KLHL1: variants seen among roughly 807,000 people sequenced by gnomAD.
KLHL1 encodes the protein kelch like family member 1, also known as kelch-like protein 1.
KLHL1 carries 47 observed loss-of-function variants against 77.7 expected under a neutral mutation model. The observed-to-expected ratio is 0.60, with a 90% CI of 0.48 to 0.77. The LOEUF is 0.77. Among genes scored for constraint, KLHL1 ranks in the 30% least tolerant of loss-of-function variants. KLHL1 has a pLI of 0.00. For missense variants in KLHL1, 925 were observed against 910.8 expected (o/e 1.02, Z -0.20); for synonymous variants, 360 against 325.2 (o/e 1.11, Z -1.15).
At chr13:70,084,977 T>C (rs9572355) in intron 1 of KLHL1, among the ~76,000 whole-genome samples, 40,118 of 152,046 alleles carry the variant, frequency 0.26, 5,535 homozygotes, top group Admixed American at 0.31. Context: ...ATTCAGTTAA[T>C]GGATGAATTG....
intron 9 of KLHL1, among the ~76,000 whole-genome samples, chr13:69,718,052 G>A (rs142369811): frequency 2.7e-4 from 41 of 152,162 alleles, no homozygotes; most frequent in African/African-American, 9.6e-4. Context: ...GGACTTATCA[G>A]TAAAAATAAT....
intron 4 of KLHL1, among the ~76,000 whole-genome samples, chr13:69,883,500 C>A (rs890379751): frequency 6.6e-6 from 1 of 152,190 alleles, no homozygotes; most frequent in African/African-American, 2.4e-5. Context: ...TTCACTATCC[C>A]CTTGCGGTGT....
At chr13:69,999,670 C>G (rs1328848515) in intron 1 of KLHL1, among the ~76,000 whole-genome samples, 1 of 151,974 alleles carries the variant, frequency 6.6e-6, no homozygotes, top group Admixed American at 6.6e-5. Context: ...TGGCACCTAG[C>G]AATCCTATAT....
At chr13:70,090,054 A>G (rs1436446586) in intron 1 of KLHL1, among the ~76,000 whole-genome samples, 1 of 152,110 alleles carries the variant, frequency 6.6e-6, no homozygotes, top group Non-Finnish European at 1.5e-5. Flanking sequence ...ATTAATCGTC[A>G]TAGAATCCTA....
chr13:69,931,640 G>A (rs1883007403), intron 4 of KLHL1, among the ~76,000 whole-genome samples: 1 of 151,538 alleles, frequency 6.6e-6, no homozygotes, highest in African/African-American at 2.4e-5. Context: ...CTCTTTGTTG[G>A]CTCACTAGGT....
intron 1 of KLHL1, among the ~76,000 whole-genome samples, chr13:70,094,668 T>C (rs1461731288): frequency 1.3e-5 from 2 of 152,108 alleles, no homozygotes; most frequent in African/African-American, 4.8e-5. Context: ...TTGATTTACT[T>C]AGGAGAAGAT....
intron 1 of KLHL1, among the ~76,000 whole-genome samples, chr13:70,027,396 C>T (rs199951431): frequency 2.2e-5 from 3 of 138,690 alleles, no homozygotes; most frequent in Non-Finnish European, 3.2e-5. Context: ...TTGTTTTTTT[C>T]CCTTCATCCA....
chr13:69,868,022 A>G lies in KLHL1; in HGVS notation c.1227+14261T>C, dbSNP rs201048595. Among the ~76,000 whole-genome samples, 66 of 110,808 alleles carry G rather than the reference A, an allele frequency of 6.0e-4. No individual in the cohort carries two copies. The East Asian group carries it at 0.011, about 19-fold the overall frequency. The allele number at this position is 110,808 out of a possible 152,430, so 72.7% of individuals were successfully genotyped here. A position where few individuals can be genotyped will look rare whatever the true frequency, so the allele number is the denominator to read the frequency against. ...CATAATAAAAAACAAAAAACAAAAT[A>G]ATAAGTTTTGATAATCAAATTTAAA... is the stretch of plus-strand genomic sequence containing the variant. On this transcript the variant is annotated intron_variant, in intron 5 of 10. Transcript: ENST00000377844.
intron 6 of KLHL1, among the ~76,000 whole-genome samples, chr13:69,800,671 A>G (rs970702587): frequency 6.6e-6 from 1 of 152,080 alleles, no homozygotes; most frequent in African/African-American, 2.4e-5. Context: ...TTAGCTTTCT[A>G]TCTAAGCCAC....
chr13:69,716,042 A>C (rs1238060086), intron 9 of KLHL1, among the ~76,000 whole-genome samples: 1 of 152,146 alleles, frequency 6.6e-6, no homozygotes, highest in Non-Finnish European at 1.5e-5. Context: ...TGCAATACCA[A>C]ACAAATTTCT....
chr13:70,004,931 A>G (rs1489452357), intron 1 of KLHL1, among the ~76,000 whole-genome samples: 1 of 151,566 alleles, frequency 6.6e-6, no homozygotes, highest in African/African-American at 2.4e-5. Flanking sequence ...TTATGTTTAT[A>G]TCTATTACCT....
intron 6 of KLHL1, among the ~76,000 whole-genome samples, chr13:69,812,454 A>T (rs914639229): frequency 2.4e-4 from 36 of 152,330 alleles, no homozygotes; most frequent in African/African-American, 7.9e-4. Context: ...CAATGGCAAC[A>T]AAAGCCAAAA....
intron 1 of KLHL1, among the ~76,000 whole-genome samples, chr13:70,090,732 T>C (rs2137441615): frequency 6.6e-6 from 1 of 152,144 alleles, no homozygotes; most frequent in East Asian, 1.9e-4. Context: ...AACTACAACT[T>C]AAGCAAACCA....
At position 69,940,411 on chromosome 13, in the gene KLHL1, G is replaced by A. The variant is rs186388702; in HGVS notation, c.818-175C>T. Among the ~76,000 whole-genome samples, 15 of 152,086 alleles carry A rather than the reference G, an allele frequency of 9.9e-5. No individual in the cohort carries two copies. In the East Asian group the frequency reaches 2.1e-3, roughly 22 times the overall value. On this transcript the variant is annotated intron_variant, in intron 3 of 10. Coordinates refer to ENST00000377844, the MANE Select transcript of KLHL1 (RefSeq NM_020866.3). ...AATTGTTTTAAGAATTTTGCATTTC[G>A]TATTTCATGTAATATTCAAAATCAC...
At chr13:69,980,027 T>C (rs1354343253) in intron 1 of KLHL1, among the ~76,000 whole-genome samples, 1 of 152,184 alleles carries the variant, frequency 6.6e-6, no homozygotes, top group Admixed American at 6.5e-5. Flanking sequence ...TCAGCGTCTT[T>C]GTTGTGGCTA....
At chr13:69,989,791 T>A (rs929138935) in intron 1 of KLHL1, among the ~76,000 whole-genome samples, 1 of 152,030 alleles carries the variant, frequency 6.6e-6, no homozygotes, top group African/African-American at 2.4e-5. Flanking sequence ...GGAATGCTAC[T>A]GATTTTTGTA....
chr13:69,830,434 T>C (rs1452297449), intron 6 of KLHL1, among the ~76,000 whole-genome samples: 2 of 149,330 alleles, frequency 1.3e-5, no homozygotes, highest in African/African-American at 5.0e-5. Context: ...ACACTGGAGG[T>C]CCCAAATTTA....
In KLHL1 at chr13:69,966,448, A is replaced by G. The variant is rs185162496; in HGVS notation, c.681-5004T>C. On this transcript the variant is annotated intron_variant, in intron 2 of 10. Coordinates refer to ENST00000377844, the MANE Select transcript of KLHL1 (RefSeq NM_020866.3). The stretch of plus-strand genomic sequence containing the variant: ...TATCCACAGTTGAGACTTACTACTC[A>G]TTGACAATGTTCCTGGTTGCTCAAG... 1.8e-4 allele frequency among the ~76,000 whole-genome samples: 27 copies of G among 152,288 alleles called. 1 individual carries two copies. The East Asian group carries it at 4.2e-3, about 24-fold the overall frequency.
intron 1 of KLHL1, among the ~76,000 whole-genome samples, chr13:70,044,534 G>A (rs1404244121): frequency 6.6e-6 from 1 of 151,514 alleles, no homozygotes; most frequent in Non-Finnish European, 1.5e-5. Flanking sequence ...TTTTGTATCA[G>A]TTTATGGAAA....
Sources: gnomAD v4.1 joint callset for allele counts (sites outside exome capture counted in the v4.1 genomes callset) on GRCh38, gnomAD v4.1.1 for gene constraint, MANE v1.5 for transcripts, NCBI Gene and HGNC (gene_info 2026-07-23, HGNC 2026-07-21) for gene names.